The following TMEM132D variants were observed in gnomAD, a reference collection of about 807,000 sequenced individuals.
The protein encoded by TMEM132D is mature OL transmembrane protein.
Under a neutral mutation model 62.3 loss-of-function variants are expected in TMEM132D, and 21 were observed. That is an observed-to-expected ratio of 0.34 (90% CI 0.24 to 0.49). TMEM132D has a LOEUF of 0.49. TMEM132D is among the 20% of genes least tolerant of loss of function. The pLI is 0.99. For missense variants in TMEM132D, 1,346 were observed against 1,402.8 expected, an observed-to-expected ratio of 0.96 and a Z score of 0.65; for synonymous variants, 621 against 575.6, an observed-to-expected ratio of 1.08 and a Z score of -1.13.
chr12:129,427,386 TCACA>T (rs1287436702), intron 3 of TMEM132D, among the ~76,000 whole-genome samples: 1 of 131,540 alleles, frequency 7.6e-6, no homozygotes, highest in Non-Finnish European at 1.6e-5. Context: ...AAGGGGAACA[TCACA>T]CACCGGGGCC....
chr12:129,469,271 T>G (rs10744419), intron 3 of TMEM132D, among the ~76,000 whole-genome samples: 147,968 of 152,212 alleles, frequency 0.97, 72,059 homozygotes, highest in East Asian at 1. Flanking sequence ...TGGTTTTCAC[T>G]CATGGTAGAC....
chr12:129,260,846 C>A (rs1403940519), intron 4 of TMEM132D, among the ~76,000 whole-genome samples: 4 of 152,146 alleles, frequency 2.6e-5, no homozygotes, highest in Non-Finnish European at 5.9e-5. Context: ...GACATTGTAT[C>A]ATTCATTTTT....
chr12:129,403,086 A>T (rs2135701333), intron 3 of TMEM132D, among the ~76,000 whole-genome samples: 1 of 152,144 alleles, frequency 6.6e-6, no homozygotes, highest in South Asian at 2.1e-4. Flanking sequence ...CAAACTCAGT[A>T]CTACATACAA....
At position 129,453,341 on chromosome 12, in the gene TMEM132D, T is replaced by TCTC. The variant is rs570585033; in HGVS notation, c.1115+77715_1115+77717dup. Among the ~76,000 whole-genome samples, 196 of 152,280 alleles carry TCTC rather than the reference T, an allele frequency of 1.3e-3. 1 individual carries two copies. The highest frequency in any genetic ancestry group is 4.1e-3 in the African/African-American group (171 of 41,568). ...GGGCTACTGGCTTTTGCGCAAGGTG[T>TCTC]CTCTTTGCCTGGAATTCCCTCCCGC... On this transcript the variant is annotated intron_variant, in intron 3 of 8. Coordinates refer to ENST00000422113, the MANE Select transcript of TMEM132D (RefSeq NM_133448.3).
intron 5 of TMEM132D, among the ~76,000 whole-genome samples, chr12:129,147,473 T>G (rs954839107): frequency 5.3e-5 from 8 of 152,116 alleles, no homozygotes; most frequent in African/African-American, 1.9e-4. Flanking sequence ...TCATAACTAC[T>G]GCAGTATAGT....
chr12:129,796,054 G>A (rs1282554284), intron 1 of TMEM132D, among the ~76,000 whole-genome samples: 1 of 152,002 alleles, frequency 6.6e-6, no homozygotes, highest in African/African-American at 2.4e-5. Context: ...ATTAAAGAGG[G>A]CCAGGTGCGG....
chr12:129,749,939 C>T (rs1869944788), intron 1 of TMEM132D, among the ~76,000 whole-genome samples: 1 of 152,174 alleles, frequency 6.6e-6, no homozygotes, highest in South Asian at 2.1e-4. Context: ...CTTTTCCCTT[C>T]CTGTGGCAGT....
intron 3 of TMEM132D, among the ~76,000 whole-genome samples, chr12:129,527,239 G>T (rs1259638204): frequency 3.3e-5 from 5 of 152,162 alleles, no homozygotes; most frequent in African/African-American, 1.2e-4. Context: ...AACCCAGGAG[G>T]CAGAGGCTGC....
intron 5 of TMEM132D, among the ~76,000 whole-genome samples, chr12:129,157,437 C>A (rs571609260): frequency 1.3e-5 from 2 of 152,360 alleles, no homozygotes; most frequent in Admixed American, 6.5e-5. Flanking sequence ...TTACATTTGA[C>A]ATCTGTCCAC....
intron 1 of TMEM132D, among the ~76,000 whole-genome samples, chr12:129,749,161 G>T (rs1426664084): frequency 1.3e-5 from 2 of 152,206 alleles, no homozygotes; most frequent in African/African-American, 4.8e-5. Context: ...TTCACACTTA[G>T]ATCGATGCTA....
At chr12:129,135,218 T>A (rs2135527208) in intron 5 of TMEM132D, among the ~76,000 whole-genome samples, 1 of 152,286 alleles carries the variant, frequency 6.6e-6, no homozygotes, top group East Asian at 1.9e-4. Context: ...AAACTTCAGA[T>A]CTCCTCTGCC....
intron 5 of TMEM132D, among the ~76,000 whole-genome samples, chr12:129,207,939 G>C (rs1012818452): frequency 1.6e-4 from 25 of 152,128 alleles, no homozygotes; most frequent in African/African-American, 6.0e-4. Context: ...TAGCTATTTT[G>C]AAATATGTAA....
In TMEM132D at chr12:129,378,179, T is replaced by C. The variant is rs544850372; in HGVS notation, c.1116-40362A>G. Among the ~76,000 whole-genome samples the C allele has an allele frequency of 5.9e-5, 9 of 152,310 alleles. 1 individual carries two copies. In the South Asian group the frequency reaches 1.9e-3, roughly 32 times the overall value. The stretch of plus-strand genomic sequence containing the variant: ...CAAAATATACTGGAGAACAATTAGG[T>C]GCCCTGCACCTGAAAGGGGATTGTA... On this transcript the variant is annotated intron_variant, in intron 3 of 8. Coordinates refer to ENST00000422113, the MANE Select transcript of TMEM132D (RefSeq NM_133448.3).
intron 2 of TMEM132D, among the ~76,000 whole-genome samples, chr12:129,654,047 T>A (rs778786370): frequency 4.6e-5 from 7 of 152,184 alleles, no homozygotes; most frequent in Non-Finnish European, 1.0e-4. Flanking sequence ...GTCAGTTACT[T>A]TGTAGAATGT....
chr12:129,693,658 TC>T (rs1881119063), intron 2 of TMEM132D, among the ~76,000 whole-genome samples: 1 of 151,984 alleles, frequency 6.6e-6, no homozygotes, highest in South Asian at 2.1e-4. Context: ...AGAATAAACC[TC>T]CCCATTAGCA....
chr12:129,473,333 T>TTG (rs1874156425), intron 3 of TMEM132D, among the ~76,000 whole-genome samples: 1 of 135,502 alleles, frequency 7.4e-6, no homozygotes, highest in Admixed American at 7.3e-5. Flanking sequence ...TGTTTTTTTT[T>TTG]TTTTTTTTTT....
chr12:129,826,169 C>T (rs1360706126), intron 1 of TMEM132D, among the ~76,000 whole-genome samples: 3 of 152,314 alleles, frequency 2.0e-5, no homozygotes, highest in South Asian at 2.1e-4. Context: ...CAGGTGACAA[C>T]TTCAAGGGCC....
chr12:129,590,777 C>G (rs577243146), intron 2 of TMEM132D, among the ~76,000 whole-genome samples: 60 of 152,298 alleles, frequency 3.9e-4, no homozygotes, highest in Middle Eastern at 6.8e-3. Context: ...CCTCCTTCAT[C>G]CACACAGTCC....
intron 1 of TMEM132D, among the ~76,000 whole-genome samples, chr12:129,899,701 TA>T (rs1304973192): frequency 1.3e-5 from 2 of 152,226 alleles, no homozygotes; most frequent in Admixed American, 1.3e-4. Flanking sequence ...ATAACTAAGT[TA>T]AACAGATCCT....
Sources: gnomAD v4.1 joint callset for allele counts (sites outside exome capture counted in the v4.1 genomes callset) on GRCh38, gnomAD v4.1.1 for gene constraint, MANE v1.5 for transcripts, NCBI Gene and HGNC (gene_info 2026-07-23, HGNC 2026-07-21) for gene names.